Variants in TRAPPC12 observed in about 807,000 individuals in gnomAD.
TRAPPC12 encodes the protein TPR repeat protein 15.
TRAPPC12 carries 61 observed loss-of-function variants against 69.2 expected under a neutral mutation model. That is an observed-to-expected ratio of 0.88 (90% CI 0.72 to 1.09). The LOEUF (loss-of-function observed/expected upper bound fraction) is 1.09, where lower values mean the gene tolerates loss of function less well. Ranked by LOEUF, TRAPPC12 falls within the 50% of genes least tolerant of loss-of-function variation. The pLI is 0.00. For synonymous variants in TRAPPC12, 469 were observed against 438.9 expected, an observed-to-expected ratio of 1.07 and a Z score of -0.86; for missense variants, 1,101 against 1,016.4, an observed-to-expected ratio of 1.08 and a Z score of -1.13.
intron 2 of TRAPPC12, among the ~76,000 whole-genome samples, chr2:3,398,731 C>T (rs1235829421): frequency 1.3e-5 from 2 of 152,238 alleles, no homozygotes; most frequent in Non-Finnish European, 2.9e-5. Context: ...GCCGTGAGAA[C>T]AGCCACTTGC....
rs1452310208 is a variant in TRAPPC12 at position 3,396,126 on chromosome 2, A to T, written c.1048-5651A>T. 2.0e-5 allele frequency among the ~76,000 whole-genome samples: 3 copies of T among 152,274 alleles called. No homozygotes were observed. In the East Asian group the frequency reaches 5.8e-4, roughly 29 times the overall value. On this transcript the variant is annotated intron_variant, in intron 2 of 11. Coordinates refer to ENST00000324266, the MANE Select transcript of TRAPPC12 (RefSeq NM_016030.6). ...GTGATCTGCCCACCTTGGCCTCCCA[A>T]AGTGCTGGGATTACAGGCATGAGCC... is the stretch of plus-strand genomic sequence containing the variant.
intron 3 of TRAPPC12, among the ~76,000 whole-genome samples, chr2:3,418,142 C>T (rs1662546188): frequency 6.6e-6 from 1 of 152,000 alleles, no homozygotes; most frequent in African/African-American, 2.4e-5. Context: ...GAGTAGATCA[C>T]TTCAGCCCAG....
chr2:3,381,983 A>G (rs1490546829), intron 1 of TRAPPC12, among the ~76,000 whole-genome samples: 1 of 152,202 alleles, frequency 6.6e-6, no homozygotes, highest in Non-Finnish European at 1.5e-5. Flanking sequence ...TTTGTGCAAA[A>G]TTGTATTTGT....
At chr2:3,416,302 G>C (rs1223095404) in intron 3 of TRAPPC12, among the ~76,000 whole-genome samples, 2 of 152,082 alleles carry the variant, frequency 1.3e-5, no homozygotes, top group Non-Finnish European at 2.9e-5. Context: ...TAACAGCTTC[G>C]CCTCACAGGC....
At chr2:3,423,619 GTTTGTCTAACGTCATGTCCCC>G (rs1479990614) in intron 4 of TRAPPC12, among the ~76,000 whole-genome samples, 1 of 150,856 alleles carries the variant, frequency 6.6e-6, no homozygotes, top group African/African-American at 2.4e-5. Context: ...TGCCTGGCTT[GTTTGTCTAACGTCATGTCCCC>G]TAGGCTCATC....
rs751455579 is a variant in TRAPPC12 at position 3,477,764 on chromosome 2, C to T, written c.1846C>T (p.Leu616=). 2.6e-5 allele frequency: 42 copies of T among 1,603,590 alleles called. No individual in the cohort carries two copies. The highest frequency in any genetic ancestry group is 3.5e-5 in the Non-Finnish European group (41 of 1,175,798). Residue 616 remains leucine, a synonymous_variant, in exon 10 of 12, where the codon CTA becomes TTA. Transcript: ENST00000324266. ...VEKVTQKLDG[L]QGKIMVLMNS... Reference sequence around the variant, plus strand: ...GAAAGTAACACAGAAATTAGATGGACTACAGGGTAAAATCATGGTTTTGAT... The same window carrying T: ...GAAAGTAACACAGAAATTAGATGGATTACAGGGTAAAATCATGGTTTTGAT...
chr2:3,380,667 A>G (rs1022506605), intron 1 of TRAPPC12, among the ~76,000 whole-genome samples: 2 of 152,214 alleles, frequency 1.3e-5, no homozygotes, highest in Non-Finnish European at 2.9e-5. Context: ...GGAGAGGGAC[A>G]GGGGAAAAGC....
chr2:3,390,393 G>A lies in TRAPPC12; in HGVS notation c.1047+1723G>A, dbSNP rs115479539. Among the ~76,000 whole-genome samples, 989 of 152,324 alleles carry A rather than the reference G, an allele frequency of 6.5e-3. 10 individuals carry two copies. Among genetic ancestry groups the A allele is most frequent in the African/African-American group, 0.022 (934 of 41,562 alleles). ...ACCCAGAAATTCCACTCTTAGGAAT[G>A]TATTGTGAGGACATAATCATACTTC... is the stretch of plus-strand genomic sequence containing the variant. On this transcript the variant is annotated intron_variant, in intron 2 of 11. Transcript: ENST00000324266.
intron 1 of TRAPPC12, among the ~76,000 whole-genome samples, chr2:3,381,146 TAATG>T (rs1660188987): frequency 6.6e-6 from 1 of 152,188 alleles, no homozygotes; most frequent in Admixed American, 6.5e-5. Flanking sequence ...GAGGTAATAA[TAATG>T]CTTCAAAAGT....
At chr2:3,457,730 G>A (rs1446686672) in intron 7 of TRAPPC12, 37 bp downstream of exon 7, 8 of 1,604,644 alleles carry the variant, frequency 5.0e-6, no homozygotes, top group East Asian at 2.2e-5. Context: ...GATGCTTCTC[G>A]GACATCACTG....
intron 1 of TRAPPC12, 55 bp from the exon 2 acceptor site, chr2:3,387,565 G>A (rs1032001796): frequency 1.5e-6 from 2 of 1,337,052 alleles, no homozygotes; most frequent in African/African-American, 1.5e-5. Context: ...CTCATTTTTC[G>A]GTTGAGGTGA....
intron 10 of TRAPPC12, 164 bp from the exon 11 acceptor site, chr2:3,478,682 G>A: frequency 1.7e-6 from 1 of 604,326 alleles, no homozygotes; most frequent in Non-Finnish European, 2.9e-6. Context: ...GTGCGAGCCT[G>A]AATGCAAAAC....
chr2:3,473,892 T>C (rs913057208), intron 9 of TRAPPC12, among the ~76,000 whole-genome samples: 1 of 152,248 alleles, frequency 6.6e-6, no homozygotes, highest in Non-Finnish European at 1.5e-5. Flanking sequence ...TAGCAACCTA[T>C]GTGGCTGTTA....
chr2:3,407,172 T>C (rs1661777690), intron 3 of TRAPPC12, among the ~76,000 whole-genome samples: 1 of 152,226 alleles, frequency 6.6e-6, no homozygotes. Context: ...TTAATCACTT[T>C]AATGGTATCA....
At chr2:3,478,165 C>T (rs1351068571) in intron 10 of TRAPPC12, 1 of 94,300 alleles carries the variant, frequency 1.1e-5, no homozygotes, top group Admixed American at 9.7e-5. Context: ...GTCTGGATCC[C>T]GTGCTCTGGT....
At chr2:3,430,690 G>A (rs759667784) in intron 5 of TRAPPC12, among the ~76,000 whole-genome samples, 4 of 152,026 alleles carry the variant, frequency 2.6e-5, no homozygotes, top group Non-Finnish European at 4.4e-5. Context: ...TTTTTTGTTC[G>A]CAACATGACA....
intron 5 of TRAPPC12, among the ~76,000 whole-genome samples, chr2:3,432,138 C>T (rs1162380471): frequency 1.3e-5 from 2 of 152,250 alleles, no homozygotes; most frequent in African/African-American, 2.4e-5. Flanking sequence ...TGATTATCTT[C>T]ACTATGCAGT....
intron 1 of TRAPPC12, among the ~76,000 whole-genome samples, chr2:3,383,999 G>C (rs1204781680): frequency 7.0e-6 from 1 of 142,236 alleles, no homozygotes; most frequent in Non-Finnish European, 1.5e-5. Context: ...GGGTTCAAGT[G>C]ATTTTCCTGC....
At chr2:3,436,455 G>A (rs1663782310) in intron 5 of TRAPPC12, among the ~76,000 whole-genome samples, 1 of 152,044 alleles carries the variant, frequency 6.6e-6, no homozygotes, top group Non-Finnish European at 1.5e-5. Context: ...AAATCGAGTA[G>A]AGAGTTCTAT....
Sources: allele counts gnomAD v4.1 joint callset (sites outside exome capture counted in the v4.1 genomes callset), GRCh38; gene constraint gnomAD v4.1.1; transcripts MANE v1.5; gene names NCBI Gene and HGNC (gene_info 2026-07-23, HGNC 2026-07-21).